Variants in ARHGEF4 observed in about 807,000 individuals in gnomAD.
ARHGEF4 encodes Rho guanine nucleotide exchange factor 4, also known as APC-stimulated guanine nucleotide exchange factor 1.
ARHGEF4 carries 119 observed loss-of-function variants against 162.0 expected under a neutral mutation model. The observed-to-expected ratio is 0.73, with a 90% CI of 0.63 to 0.86. The LOEUF is 0.86. Among genes scored for constraint, ARHGEF4 ranks in the 40% least tolerant of loss-of-function variants. ARHGEF4 has a pLI of 0.00. For synonymous variants in ARHGEF4, 1,014 were observed against 979.9 expected (o/e 1.03, Z -0.65); for missense variants, 2,488 against 2,456.0 (o/e 1.01, Z -0.28).
At chr2:130,961,406 T>C (rs1197253805) in intron 4 of ARHGEF4, among the ~76,000 whole-genome samples, 6 of 151,840 alleles carry the variant, frequency 4.0e-5, no homozygotes, top group Non-Finnish European at 8.8e-5. Context: ...GAGAAGAGCA[T>C]CCCAGGTGAA....
At chr2:130,855,214 C>T (rs1681691417) in intron 1 of ARHGEF4, among the ~76,000 whole-genome samples, 1 of 151,970 alleles carries the variant, frequency 6.6e-6, no homozygotes, top group Admixed American at 6.6e-5. Flanking sequence ...TTGGAGAACC[C>T]ATGCCTTAAG....
intron 1 of ARHGEF4, among the ~76,000 whole-genome samples, chr2:130,847,112 G>A (rs367914552): frequency 4.6e-5 from 7 of 152,188 alleles, no homozygotes; most frequent in African/African-American, 1.7e-4. Context: ...CAGTCAAGGC[G>A]ACCCTGAGGG....
At chr2:130,931,720 C>T (rs1682645501) in intron 3 of ARHGEF4, among the ~76,000 whole-genome samples, 1 of 152,176 alleles carries the variant, frequency 6.6e-6, no homozygotes, top group South Asian at 2.1e-4. Flanking sequence ...GACACTTTGA[C>T]AACATGATTT....
chr2:130,898,893 G>T (rs6710580), intron 1 of ARHGEF4, among the ~76,000 whole-genome samples: 19,197 of 152,086 alleles, frequency 0.13, 2,604 homozygotes, highest in African/African-American at 0.35. Flanking sequence ...TGCACCAGGG[G>T]TTCAGTTTGA....
chr2:130,965,636 T>C (rs1260473683), intron 4 of ARHGEF4, among the ~76,000 whole-genome samples: 1 of 152,188 alleles, frequency 6.6e-6, no homozygotes, highest in Non-Finnish European at 1.5e-5. Context: ...TCAGACGGCT[T>C]TCCTTCCTTT....
rs188651573 is a variant in ARHGEF4 at position 130,924,317 on chromosome 2, C to T, written c.3553-6635C>T. On this transcript the variant is annotated intron_variant, in intron 2 of 13. Coordinates refer to ENST00000409359, the MANE Select transcript of ARHGEF4 (RefSeq NM_001367493.1). ...TTTGAGACCGAGTCTCACACTGTCACGGGCAGTGGCATGATCTCGGCTCAC... is the reference window on the plus strand; with the variant it reads ...TTTGAGACCGAGTCTCACACTGTCATGGGCAGTGGCATGATCTCGGCTCAC... 5.4e-5 allele frequency among the ~76,000 whole-genome samples: 8 copies of T among 147,716 alleles called. No homozygotes were observed. In the East Asian group the frequency reaches 1.2e-3, roughly 23 times the overall value.
At chr2:130,865,652 G>A (rs749626709) in intron 1 of ARHGEF4, among the ~76,000 whole-genome samples, 12 of 152,164 alleles carry the variant, frequency 7.9e-5, no homozygotes, top group African/African-American at 1.9e-4. Flanking sequence ...TGATCCTCGC[G>A]GAAAAAGTCT....
intron 4 of ARHGEF4, among the ~76,000 whole-genome samples, chr2:130,987,456 C>G (rs182476209): frequency 6.6e-6 from 1 of 152,322 alleles, no homozygotes; most frequent in Non-Finnish European, 1.5e-5. Flanking sequence ...CAGCATGGAA[C>G]AGGACCCAAG....
rs766433669 is a variant in ARHGEF4 at position 131,046,202 on chromosome 2, CTGACAGCACCT to C, written c.*14_*24del. The C allele has an allele frequency of 6.2e-7, 1 of 1,601,588 alleles. No homozygotes were observed. The highest frequency in any genetic ancestry group is 1.1e-5 in the South Asian group (1 of 90,362). On this transcript the variant is annotated 3_prime_UTR_variant, in exon 14 of 14. Transcript: ENST00000409359. ...CTTCCGCAAGTGAACTGGTCCCTGC[CTGACAGCACCT>C]GCTGGGCCTTCCTGCCAGTGGCCCC...
At chr2:130,878,728 C>G (rs143135044) in intron 1 of ARHGEF4, among the ~76,000 whole-genome samples, 1 of 152,184 alleles carries the variant, frequency 6.6e-6, no homozygotes, top group Non-Finnish European at 1.5e-5. Context: ...CATTTTCAAT[C>G]GAATTAAATG....
In ARHGEF4 at chr2:130,916,694, T is replaced by G. The variant is rs1681519207; in HGVS notation, c.2748T>G (p.Phe916Leu). The G allele has an allele frequency of 1.3e-6, 2 of 1,550,538 alleles. No individual in the cohort carries two copies. Among genetic ancestry groups the G allele is most frequent in the African/African-American group, 2.7e-5 (2 of 73,058 alleles). ...GGTTGGCCTTGGCTCATAAGACCTT[T>G]TCAAACTTTATTGAGTCAATAGTTC... The part of the protein sequence containing the change: ...RARLALAHKT[F>L]SNFIESIVLE... Residue 916 changes from phenylalanine (F) to leucine (L), a missense_variant, in exon 2 of 14, where the codon TTT becomes TTG. Physicochemically the swap from Phe to Leu is conservative, Grantham distance 22 (BLOSUM62 0). Around this residue, in one of 6 missense-constraint regions of ARHGEF4, gnomAD observed 1,642 missense variants for 1,481.5 expected, o/e 1.11. Coordinates refer to ENST00000409359, the MANE Select transcript of ARHGEF4 (RefSeq NM_001367493.1).
At chr2:130,977,377 A>T (rs1685809542) in intron 4 of ARHGEF4, among the ~76,000 whole-genome samples, 1 of 150,466 alleles carries the variant, frequency 6.6e-6, no homozygotes. Context: ...TGTGTTGCGT[A>T]TGTTGTGTGT....
intron 4 of ARHGEF4, among the ~76,000 whole-genome samples, chr2:131,014,777 T>C (rs868828980): frequency 6.6e-6 from 1 of 152,226 alleles, no homozygotes; most frequent in East Asian, 1.9e-4. Flanking sequence ...CTGCTTTTCT[T>C]GGCTAAAGGC....
At position 130,896,035 on chromosome 2, in the gene ARHGEF4, G is replaced by GTTTA. The variant is rs540672490; in HGVS notation, c.40-17930_40-17927dup. Among the ~76,000 whole-genome samples the GTTTA allele has an allele frequency of 1.7e-3, 261 of 151,944 alleles. 6 individuals carry two copies. In the South Asian group the frequency reaches 0.036, roughly 21 times the overall value. On this transcript the variant is annotated intron_variant, in intron 1 of 13. Coordinates refer to ENST00000409359, the MANE Select transcript of ARHGEF4 (RefSeq NM_001367493.1). ...GTGGGGGTTTTGGGGATTTGGTGGG[G>GTTTA]TTTATTTATTTATTTATTTATTTAG...
intron 4 of ARHGEF4, among the ~76,000 whole-genome samples, chr2:130,992,346 A>G (rs146102840): frequency 2.0e-5 from 3 of 151,594 alleles, no homozygotes; most frequent in East Asian, 3.9e-4. Context: ...AAATCTTGCT[A>G]CTGCTCACTC....
intron 4 of ARHGEF4, among the ~76,000 whole-genome samples, chr2:130,987,606 C>T (rs1239728043): frequency 6.6e-6 from 1 of 152,050 alleles, no homozygotes; most frequent in East Asian, 1.9e-4. Context: ...CTGATTGGTG[C>T]GTTTTACAGA....
At chr2:130,864,944 A>G (rs1682162390) in intron 1 of ARHGEF4, among the ~76,000 whole-genome samples, 1 of 152,182 alleles carries the variant, frequency 6.6e-6, no homozygotes, top group Admixed American at 6.5e-5. Context: ...TTTGATGGAG[A>G]CGCACATGGC....
At chr2:130,974,012 G>A (rs919208991) in intron 4 of ARHGEF4, among the ~76,000 whole-genome samples, 13 of 152,108 alleles carry the variant, frequency 8.5e-5, no homozygotes, top group Admixed American at 5.2e-4. Flanking sequence ...GCTCATGCCT[G>A]TAATCCCAGC....
At chr2:131,035,814 G>T in intron 5 of ARHGEF4, 1 of 985,402 alleles carries the variant, frequency 1.0e-6, no homozygotes, top group Non-Finnish European at 1.2e-6. Context: ...GGTGTTCACA[G>T]CTGCCCCCAC....
Sources: allele counts gnomAD v4.1 joint callset (sites outside exome capture counted in the v4.1 genomes callset), GRCh38; gene constraint gnomAD v4.1.1; regional missense constraint gnomAD v4.1.1; transcripts MANE v1.5; gene names NCBI Gene and HGNC (gene_info 2026-07-23, HGNC 2026-07-21).